Variants in NR2F1-AS1 observed in about 807,000 individuals in gnomAD.
NR2F1-AS1 encodes NR2F1 antisense RNA 1.
intron 4 of NR2F1-AS1, among the ~76,000 whole-genome samples, chr5:93,460,731 A>G (rs1750069985): frequency 6.6e-6 from 1 of 152,192 alleles, no homozygotes; most frequent in Non-Finnish European, 1.5e-5. Context: ...ATGAAAAAAA[A>G]ATGTTCAACA....
At chr5:93,584,963 C>T, upstream of NR2F1-AS1, 1 of 751,778 alleles carries the variant, frequency 1.3e-6, no homozygotes, top group Non-Finnish European at 1.6e-6. Flanking sequence ...AGCGCGCCCG[C>T]GCGCCCCGCG....
intron 4 of NR2F1-AS1, among the ~76,000 whole-genome samples, chr5:93,474,551 A>T (rs558309745): frequency 6.6e-6 from 1 of 152,296 alleles, no homozygotes; most frequent in South Asian, 2.1e-4. Flanking sequence ...AAGATCGAGG[A>T]ACTAACAGAT....
At chr5:93,484,423 G>C (rs1056835197) in intron 4 of NR2F1-AS1, among the ~76,000 whole-genome samples, 2 of 152,100 alleles carry the variant, frequency 1.3e-5, no homozygotes, top group African/African-American at 4.8e-5. Context: ...TCACCACCAG[G>C]CCTGCCTTAC....
At chr5:93,504,650 C>G (rs1751149555) in intron 4 of NR2F1-AS1, among the ~76,000 whole-genome samples, 1 of 152,008 alleles carries the variant, frequency 6.6e-6, no homozygotes, top group Non-Finnish European at 1.5e-5. Flanking sequence ...GCACTTCTTA[C>G]ATGGCAGCAG....
intron 4 of NR2F1-AS1, among the ~76,000 whole-genome samples, chr5:93,442,509 G>A (rs1307868514): frequency 6.6e-6 from 1 of 152,198 alleles, no homozygotes; most frequent in Non-Finnish European, 1.5e-5. Context: ...ACCCGACATT[G>A]CTGAGGCTTG....
chr5:93,549,244 A>G (rs911492337), intron 4 of NR2F1-AS1, among the ~76,000 whole-genome samples: 5 of 152,222 alleles, frequency 3.3e-5, no homozygotes, highest in African/African-American at 9.6e-5. Flanking sequence ...TATGTGTAAC[A>G]ACACATTGCT....
At chr5:93,434,525 A>G (rs983497277) in intron 4 of NR2F1-AS1, among the ~76,000 whole-genome samples, 3 of 152,174 alleles carry the variant, frequency 2.0e-5, no homozygotes, top group Admixed American at 1.3e-4. Flanking sequence ...AATTGCAGAT[A>G]CCATGTTTCA....
At chr5:93,514,041 T>C (rs921990142) in intron 4 of NR2F1-AS1, among the ~76,000 whole-genome samples, 7 of 152,182 alleles carry the variant, frequency 4.6e-5, no homozygotes, top group East Asian at 1.9e-4. Context: ...CAGGATTTGA[T>C]AGATAGGATT....
intron 2 of NR2F1-AS1, among the ~76,000 whole-genome samples, chr5:93,561,407 G>C (rs1752484242): frequency 6.6e-6 from 1 of 152,082 alleles, no homozygotes; most frequent in African/African-American, 2.4e-5. Flanking sequence ...GCTATAATAA[G>C]TTCAACAATA....
chr5:93,480,911 A>T (rs1188780779), intron 4 of NR2F1-AS1, among the ~76,000 whole-genome samples: 1 of 152,080 alleles, frequency 6.6e-6, no homozygotes, highest in Non-Finnish European at 1.5e-5. Context: ...ATATTATTCT[A>T]AAAAATCCAA....
At chr5:93,507,452 G>T (rs776028692) in intron 4 of NR2F1-AS1, among the ~76,000 whole-genome samples, 4 of 152,110 alleles carry the variant, frequency 2.6e-5, no homozygotes. Flanking sequence ...CTGCCTCCCA[G>T]GTTCAAGCGA....
chr5:93,430,499 T>C (rs1749287816), intron 4 of NR2F1-AS1, among the ~76,000 whole-genome samples: 1 of 152,156 alleles, frequency 6.6e-6, no homozygotes, highest in African/African-American at 2.4e-5. Flanking sequence ...AAAGGAGGCA[T>C]TGGTGGTGAA....
At chr5:93,575,463 T>C (rs1165648361) in intron 1 of NR2F1-AS1, among the ~76,000 whole-genome samples, 1 of 152,242 alleles carries the variant, frequency 6.6e-6, no homozygotes, top group East Asian at 1.9e-4. Context: ...CTATAGCATG[T>C]AAAACTTTTA....
At chr5:93,481,589 A>G (rs953762735) in intron 4 of NR2F1-AS1, among the ~76,000 whole-genome samples, 2 of 152,118 alleles carry the variant, frequency 1.3e-5, no homozygotes, top group South Asian at 4.2e-4. Context: ...CACTCTACCA[A>G]AAATGGAAGA....
intron 4 of NR2F1-AS1, among the ~76,000 whole-genome samples, chr5:93,415,993 C>A (rs1370444843): frequency 2.6e-5 from 4 of 152,148 alleles, no homozygotes; most frequent in Non-Finnish European, 5.9e-5. Context: ...TGCCAGTCAT[C>A]GAAGTAATTC....
chr5:93,443,611 G>T (rs1216568713), intron 4 of NR2F1-AS1, among the ~76,000 whole-genome samples: 1 of 152,200 alleles, frequency 6.6e-6, no homozygotes, highest in African/African-American at 2.4e-5. Context: ...ATGGAACCAA[G>T]TTGGAAAACA....
intron 4 of NR2F1-AS1, among the ~76,000 whole-genome samples, chr5:93,426,765 G>C (rs1484741854): frequency 2.0e-5 from 3 of 152,318 alleles, no homozygotes; most frequent in South Asian, 2.1e-4. Context: ...AAGGTAAAAG[G>C]AAGAAGAGTG....
At chr5:93,522,375 T>C (rs1751520178) in intron 4 of NR2F1-AS1, among the ~76,000 whole-genome samples, 2 of 151,932 alleles carry the variant, frequency 1.3e-5, no homozygotes, top group South Asian at 4.2e-4. Flanking sequence ...AAAAAAAGAG[T>C]CAATAGTATA....
In NR2F1-AS1 at chr5:93,561,768, C is replaced by CA. The variant is rs551332067; in HGVS notation, n.413+1595dup. ...AGCTCAGGCAACAGAGACCCTGTCT[C>CA]AAAAAAAAAACAAAACAAATTTTAT... On this transcript the variant is annotated intron_variant and non_coding_transcript_variant, in intron 2 of 5. Transcript: ENST00000660523. Among the ~76,000 whole-genome samples the CA allele has an allele frequency of 1.7e-3, 234 of 140,166 alleles. 5 individuals carry two copies. In the South Asian group the frequency reaches 0.032, roughly 19 times the overall value. 92.0% of individuals were successfully genotyped at this position (140,166 alleles called of 152,430 possible). A position where few individuals can be genotyped will look rare whatever the true frequency, so the allele number is the denominator to read the frequency against.
Sources: allele counts gnomAD v4.1 joint callset (sites outside exome capture counted in the v4.1 genomes callset), GRCh38; gene constraint gnomAD v4.1.1; transcripts MANE v1.5; gene names NCBI Gene and HGNC (gene_info 2026-07-23, HGNC 2026-07-21).